Variants in TNIK observed in about 807,000 individuals in gnomAD.
TNIK encodes the protein TRAF2 and NCK interacting kinase.
A neutral mutation model predicts 191.3 loss-of-function variants in TNIK; 49 were observed. The observed-to-expected ratio is 0.26, with a 90% CI of 0.20 to 0.32. TNIK has a LOEUF of 0.32. Among genes scored for constraint, TNIK ranks in the 10% least tolerant of loss-of-function variants. The probability of loss-of-function intolerance (pLI) is 1.00; values close to 1 mark genes in which losing one functional copy is unlikely to be tolerated. For synonymous variants in TNIK, 594 were observed against 600.9 expected (o/e 0.99, Z 0.17); for missense variants, 1,155 against 1,702.3 (o/e 0.68, Z 5.66).
chr3:171,123,811 A>C (rs1728106755), intron 17 of TNIK, 109 bp from the exon 18 acceptor site: 1 of 718,096 alleles, frequency 1.4e-6, no homozygotes, highest in Non-Finnish European at 2.2e-6. Flanking sequence ...AAACTATCCG[A>C]AACAGTAAAG....
intron 1 of TNIK, among the ~76,000 whole-genome samples, chr3:171,417,346 T>C (rs140909032): frequency 2.0e-4 from 31 of 152,288 alleles, no homozygotes; most frequent in African/African-American, 6.3e-4. Context: ...CTTATCTATC[T>C]CTGCTAACAA....
chr3:171,443,423 G>C (rs1727086296), intron 1 of TNIK, among the ~76,000 whole-genome samples: 1 of 152,178 alleles, frequency 6.6e-6, no homozygotes, highest in Non-Finnish European at 1.5e-5. Flanking sequence ...TTCTTAGACA[G>C]AGTCTATGAT....
intron 1 of TNIK, among the ~76,000 whole-genome samples, chr3:171,432,779 G>A (rs1327074475): frequency 6.6e-6 from 1 of 152,050 alleles, no homozygotes; most frequent in African/African-American, 2.4e-5. Flanking sequence ...TCTATTCCAA[G>A]TATACATTCC....
At chr3:171,162,721 A>T (rs1451781531) in intron 10 of TNIK, among the ~76,000 whole-genome samples, 2 of 152,194 alleles carry the variant, frequency 1.3e-5, no homozygotes, top group Non-Finnish European at 2.9e-5. Flanking sequence ...CCTCCAAATT[A>T]GTGTCTATTT....
At chr3:171,318,402 CT>C (rs1205447242) in intron 2 of TNIK, among the ~76,000 whole-genome samples, 2 of 152,070 alleles carry the variant, frequency 1.3e-5, no homozygotes, top group African/African-American at 4.8e-5. Flanking sequence ...TACTAATGGT[CT>C]TAAATTTCTG....
At chr3:171,440,773 T>TTATGG (rs2108687507) in intron 1 of TNIK, among the ~76,000 whole-genome samples, 1 of 152,268 alleles carries the variant, frequency 6.6e-6, no homozygotes, top group African/African-American at 2.4e-5. Flanking sequence ...AAATGGCACA[T>TTATGG]TATGATAGGG....
At position 171,093,946 on chromosome 3, in the gene TNIK, T is replaced by G; in HGVS notation, c.2614A>C (p.Asn872His). 6.2e-7 allele frequency: 1 copy of G among 1,613,352 alleles called. No homozygotes were observed. The highest frequency in any genetic ancestry group is 8.5e-7 in the Non-Finnish European group (1 of 1,179,626). The stretch of plus-strand genomic sequence containing the variant: ...ACCATTCCCACATTGTACTGCTCGT[T>G]GCTGCCTGGAGCTCCTGTTGGTCTG... ...RLIPTGAPGS[N>H]EQYNVGMVGT... The change falls in exon 23 of 33, where the codon AAC (asparagine) becomes CAC (histidine). Residue 872 changes from asparagine (N) to histidine (H), a missense_variant. Transcript: ENST00000436636.
At position 171,228,451 on chromosome 3, in the gene TNIK, A is replaced by T. The variant is rs147418179; in HGVS notation, c.124-230T>A. Among the ~76,000 whole-genome samples, 164 of 152,276 alleles carry T rather than the reference A, an allele frequency of 1.1e-3. 2 individuals carry two copies. Among genetic ancestry groups the T allele is most frequent in the African/African-American group, 3.8e-3 (159 of 41,552 alleles). On this transcript the variant is annotated intron_variant, in intron 2 of 32. Transcript: ENST00000436636. ...GGTGTCAAGTCAAATAAAAAATGCAATGTTGAACAATTTGGTTCTAACTCC... is the reference window on the plus strand; with the variant it reads ...GGTGTCAAGTCAAATAAAAAATGCATTGTTGAACAATTTGGTTCTAACTCC...
intron 28 of TNIK, among the ~76,000 whole-genome samples, chr3:171,075,608 A>T (rs1042302740): frequency 3.9e-5 from 6 of 152,168 alleles, no homozygotes; most frequent in East Asian, 1.9e-4. Flanking sequence ...ATTCCTTTTT[A>T]AAAAAACAAA....
chr3:171,298,327 G>A (rs1190838551), intron 2 of TNIK, among the ~76,000 whole-genome samples: 1 of 152,164 alleles, frequency 6.6e-6, no homozygotes, highest in Non-Finnish European at 1.5e-5. Flanking sequence ...ATTAACAAAT[G>A]GAACTTTTTT....
chr3:171,249,998 T>C, intron 2 of TNIK, among the ~76,000 whole-genome samples: 1 of 152,202 alleles, frequency 6.6e-6, no homozygotes, highest in Non-Finnish European at 1.5e-5. Context: ...CCCATTATAC[T>C]AATGAAGAGA....
chr3:171,379,191 C>T (rs1435587577), intron 1 of TNIK, among the ~76,000 whole-genome samples: 4 of 152,106 alleles, frequency 2.6e-5, no homozygotes, highest in Admixed American at 6.6e-5. Context: ...ATATTTTTCT[C>T]GGTTCACAGA....
intron 2 of TNIK, among the ~76,000 whole-genome samples, chr3:171,319,999 C>A (rs562500724): frequency 8.5e-5 from 13 of 152,112 alleles, no homozygotes; most frequent in African/African-American, 3.1e-4. Flanking sequence ...ACCCCGAAAG[C>A]GTAGGAGAGG....
At chr3:171,410,652 G>A (rs1274645429) in intron 1 of TNIK, among the ~76,000 whole-genome samples, 1 of 151,944 alleles carries the variant, frequency 6.6e-6, no homozygotes, top group Non-Finnish European at 1.5e-5. Context: ...GGTGGCAGGA[G>A]CCTGTAGTCC....
At position 171,123,621 on chromosome 3, in the gene TNIK, G is replaced by T; in HGVS notation, c.2095C>A (p.Leu699Ile). The T allele has an allele frequency of 6.4e-7, 1 of 1,570,256 alleles. No individual in the cohort carries two copies. The highest frequency in any genetic ancestry group is 8.7e-7 in the Non-Finnish European group (1 of 1,155,476). The change falls in exon 18 of 33, where the codon CTA becomes ATA. Residue 699 changes from leucine (L) to isoleucine (I), a missense_variant. Physicochemically the swap from Leu to Ile is conservative, Grantham distance 5 (BLOSUM62 2). This residue lies in a region of TNIK where 735 missense variants were observed against 848.0 expected (regional missense o/e 0.87). Transcript: ENST00000436636. ...CTTGCTCTGATGGGTTGAGATCCTA[G>T]TCTGGGTCCCAGAGCACTACCATTC... Reference protein sequence around the residue: ...PGNGSALGPRLGSQPIRASNP... With the variant: ...PGNGSALGPRIGSQPIRASNP...
intron 2 of TNIK, among the ~76,000 whole-genome samples, chr3:171,303,198 G>A (rs1753065131): frequency 6.6e-6 from 1 of 152,046 alleles, no homozygotes; most frequent in African/African-American, 2.4e-5. Context: ...TTCAATTATA[G>A]TGTAAAGTAA....
Position 171,058,615 on chromosome 3 carries a change from C to T in TNIK, c.*5266G>A, listed in dbSNP as rs527447141. Among the ~76,000 whole-genome samples the T allele has an allele frequency of 3.9e-5, 6 of 152,170 alleles. No individual in the cohort carries two copies. In the South Asian group the frequency reaches 1.2e-3, roughly 32 times the overall value. Reference sequence around the variant, plus strand: ...CAAAAGTTTCAGACTGGAAAATATGCCAGGAAGATTTTCTTCTCTCATTCT... The same window carrying T: ...CAAAAGTTTCAGACTGGAAAATATGTCAGGAAGATTTTCTTCTCTCATTCT... On this transcript the variant is annotated 3_prime_UTR_variant, in exon 33 of 33. Transcript: ENST00000436636.
chr3:171,401,469 G>C (rs747476262), intron 1 of TNIK, among the ~76,000 whole-genome samples: 2 of 152,100 alleles, frequency 1.3e-5, no homozygotes, highest in African/African-American at 4.8e-5. Context: ...GTAGGAAATA[G>C]CTTCATAGGT....
chr3:171,114,105 C>G (rs911391604), intron 18 of TNIK, among the ~76,000 whole-genome samples: 1 of 150,360 alleles, frequency 6.7e-6, no homozygotes, highest in African/African-American at 2.5e-5. Context: ...GTTAGATTTA[C>G]ACAATGCTGG....
Sources: allele counts gnomAD v4.1 joint callset (sites outside exome capture counted in the v4.1 genomes callset), GRCh38; gene constraint gnomAD v4.1.1; regional missense constraint gnomAD v4.1.1; transcripts MANE v1.5; gene names NCBI Gene and HGNC (gene_info 2026-07-23, HGNC 2026-07-21).